THSD7B: variants seen among roughly 807,000 people sequenced by gnomAD.
THSD7B encodes thrombospondin type 1 domain containing 7B, also known as thrombospondin type-1 domain-containing protein 7B.
In THSD7B, 138 loss-of-function variants were observed where a neutral mutation model predicts 213.6. That is an observed-to-expected ratio of 0.65 (90% CI 0.56 to 0.74). The LOEUF is 0.74. THSD7B is among the 30% of genes least tolerant of loss of function. The pLI, the probability that THSD7B is intolerant of heterozygous loss-of-function variation, is 0.00. For missense variants in THSD7B, 1,931 were observed against 1,991.5 expected (o/e 0.97, Z 0.58); for synonymous variants, 742 against 687.0 (o/e 1.08, Z -1.25).
intron 25 of THSD7B, among the ~76,000 whole-genome samples, chr2:137,661,861 T>G (rs990450636): frequency 5.9e-5 from 9 of 152,154 alleles, no homozygotes; most frequent in African/African-American, 2.2e-4. Context: ...AGGGGCCGCA[T>G]GCACAGCGTG....
intron 2 of THSD7B, among the ~76,000 whole-genome samples, chr2:136,902,499 C>T (rs79657163): frequency 0.022 from 3,315 of 152,310 alleles, 54 homozygotes; most frequent in Non-Finnish European, 0.033. Flanking sequence ...AGAGATGGAA[C>T]TGGGCCATGC....
chr2:137,582,515 G>A (rs965204338), intron 17 of THSD7B, among the ~76,000 whole-genome samples: 2 of 111,608 alleles, frequency 1.8e-5, no homozygotes, highest in East Asian at 5.6e-4. Flanking sequence ...ACAGGCCCTG[G>A]TATGTGATGT....
intron 15 of THSD7B, among the ~76,000 whole-genome samples, chr2:137,483,635 C>A (rs569384863): frequency 2.8e-4 from 43 of 151,886 alleles, no homozygotes; most frequent in Non-Finnish European, 4.9e-4. Flanking sequence ...GGGGTGGGGA[C>A]AATTAATTTT....
At chr2:137,622,814 C>A (rs375271620) in intron 20 of THSD7B, among the ~76,000 whole-genome samples, 18 of 152,068 alleles carry the variant, frequency 1.2e-4, no homozygotes, top group African/African-American at 4.1e-4. Flanking sequence ...CAATAACAGG[C>A]TCTGAAATTG....
chr2:137,115,995 C>T (rs1688441974), intron 5 of THSD7B, among the ~76,000 whole-genome samples: 1 of 152,158 alleles, frequency 6.6e-6, no homozygotes, highest in Admixed American at 6.5e-5. Flanking sequence ...GCAGTACTCC[C>T]TGCAGAAGTG....
At chr2:137,588,180 A>G (rs4954522) in intron 17 of THSD7B, among the ~76,000 whole-genome samples, 74,168 of 152,048 alleles carry the variant, frequency 0.49, 18,944 homozygotes, top group African/African-American at 0.64. Flanking sequence ...AAGACCATTG[A>G]AAAAGTGCAA....
chr2:137,272,979 T>G (rs1163611615), intron 11 of THSD7B, among the ~76,000 whole-genome samples: 2 of 150,764 alleles, frequency 1.3e-5, no homozygotes, highest in Non-Finnish European at 3.0e-5. Context: ...GGTTGTTATC[T>G]GGGGGCTGGG....
chr2:137,579,139 A>C (rs962571139), intron 17 of THSD7B, among the ~76,000 whole-genome samples: 2 of 152,146 alleles, frequency 1.3e-5, no homozygotes, highest in Non-Finnish European at 1.5e-5. Flanking sequence ...GTTTCCCTTA[A>C]TCATTTTATT....
chr2:136,767,364 T>A (rs1274522344), intron 1 of THSD7B, among the ~76,000 whole-genome samples: 1 of 152,112 alleles, frequency 6.6e-6, no homozygotes, highest in East Asian at 1.9e-4. Flanking sequence ...AGTCTTCTTT[T>A]GAAAAGTAAT....
intron 16 of THSD7B, among the ~76,000 whole-genome samples, chr2:137,565,311 A>G (rs984572150): frequency 5.3e-5 from 8 of 152,178 alleles, no homozygotes; most frequent in African/African-American, 1.9e-4. Flanking sequence ...TATTAGGCTC[A>G]TGGCTCTGGA....
intron 2 of THSD7B, among the ~76,000 whole-genome samples, chr2:136,935,487 A>G (rs1433112436): frequency 2.0e-5 from 3 of 152,054 alleles, no homozygotes; most frequent in Non-Finnish European, 2.9e-5. Flanking sequence ...AACTGGATGG[A>G]AGATTTGAAT....
At chr2:136,807,753 G>A (rs527853128) in intron 1 of THSD7B, among the ~76,000 whole-genome samples, 17 of 152,016 alleles carry the variant, frequency 1.1e-4, no homozygotes, top group East Asian at 5.8e-4. Flanking sequence ...TGATCCACCC[G>A]CCTCGGCCTC....
chr2:137,654,761 G>C (rs1020827875), intron 21 of THSD7B, among the ~76,000 whole-genome samples: 1 of 152,042 alleles, frequency 6.6e-6, no homozygotes, highest in African/African-American at 2.4e-5. Flanking sequence ...GGTTTTCTGT[G>C]GGGGGCTGGA....
intron 5 of THSD7B, among the ~76,000 whole-genome samples, chr2:137,137,467 TA>T (rs1225876713): frequency 6.6e-6 from 1 of 152,226 alleles, no homozygotes; most frequent in Non-Finnish European, 1.5e-5. Context: ...TTACATTTTT[TA>T]CTGTACTTTC....
chr2:137,619,245 A>T (rs1156464182), intron 19 of THSD7B, among the ~76,000 whole-genome samples: 1 of 152,230 alleles, frequency 6.6e-6, no homozygotes, highest in African/African-American at 2.4e-5. Context: ...GGACCAGTTA[A>T]CTCACATTTC....
intron 15 of THSD7B, among the ~76,000 whole-genome samples, chr2:137,492,421 A>G (rs947669911): frequency 8.5e-5 from 13 of 152,188 alleles, no homozygotes; most frequent in African/African-American, 2.9e-4. Flanking sequence ...TGTCAACTAT[A>G]CCAACTCTAG....
chr2:137,330,510 C>T (rs1441850793), intron 12 of THSD7B, among the ~76,000 whole-genome samples: 3 of 152,122 alleles, frequency 2.0e-5, no homozygotes, highest in Admixed American at 1.3e-4. Flanking sequence ...TTCTGATGTT[C>T]GGATATGCTA....
intron 7 of THSD7B, among the ~76,000 whole-genome samples, chr2:137,192,536 G>T (rs1347117438): frequency 6.6e-6 from 1 of 152,116 alleles, no homozygotes; most frequent in Non-Finnish European, 1.5e-5. Context: ...ATTCTAAGTA[G>T]AAAGAATTGT....
intron 1 of THSD7B, among the ~76,000 whole-genome samples, chr2:136,851,880 G>A (rs560995488): frequency 9.2e-5 from 14 of 151,628 alleles, no homozygotes; most frequent in Admixed American, 2.0e-4. Flanking sequence ...CAGTGACAAA[G>A]GATCTAACCA....
Sources: gnomAD v4.1 joint callset for allele counts (sites outside exome capture counted in the v4.1 genomes callset) on GRCh38, gnomAD v4.1.1 for gene constraint, MANE v1.5 for transcripts, NCBI Gene and HGNC (gene_info 2026-07-23, HGNC 2026-07-21) for gene names.